Variants in ILDR1 observed in about 807,000 individuals in gnomAD.
ILDR1 encodes immunoglobulin like domain containing receptor 1.
In ILDR1, 56 loss-of-function variants were observed where a neutral mutation model predicts 62.4. The observed-to-expected ratio is 0.90, with a 90% CI of 0.72 to 1.12. The LOEUF (loss-of-function observed/expected upper bound fraction) is 1.12, where lower values mean the gene tolerates loss of function less well. ILDR1 is among the 50% of genes most tolerant of loss of function. The pLI, the probability that ILDR1 is intolerant of heterozygous loss-of-function variation, is 0.00. For synonymous variants in ILDR1, 284 were observed against 277.8 expected (o/e 1.02, Z -0.22); for missense variants, 736 against 710.6 (o/e 1.04, Z -0.41).
intron 2 of ILDR1, among the ~76,000 whole-genome samples, chr3:122,005,739 T>G (rs1479745800): frequency 1.3e-5 from 2 of 151,880 alleles, no homozygotes; most frequent in African/African-American, 4.8e-5. Flanking sequence ...CCCATGGAAT[T>G]CATCCACCTG....
At chr3:122,036,918 T>C in the ILDR1 span, among the ~76,000 whole-genome samples, 1 of 152,184 alleles carries the variant, frequency 6.6e-6, no homozygotes, top group African/African-American at 2.4e-5. Flanking sequence ...GCTCCAGCCA[T>C]GGCTAAAAGG....
At chr3:122,003,979 G>A (rs1210153480) in intron 3 of ILDR1, among the ~76,000 whole-genome samples, 1 of 151,656 alleles carries the variant, frequency 6.6e-6, no homozygotes. Flanking sequence ...AAGGACAGAT[G>A]TACCCTAAAA....
At chr3:122,050,545 T>TCC in the ILDR1 span, among the ~76,000 whole-genome samples, 2,843 of 142,578 alleles carry the variant, frequency 0.02, 56 homozygotes, top group South Asian at 0.04. Flanking sequence ...TGCTTTTACT[T>TCC]CCCCCCCCCC....
chr3:122,039,844 A>C, the ILDR1 span, among the ~76,000 whole-genome samples: 1 of 152,054 alleles, frequency 6.6e-6, no homozygotes, highest in East Asian at 1.9e-4. Flanking sequence ...GGTAAAAATA[A>C]AATAAATGAT....
At chr3:122,012,315 T>G (rs184944423) in intron 1 of ILDR1, among the ~76,000 whole-genome samples, 1 of 152,352 alleles carries the variant, frequency 6.6e-6, no homozygotes, top group Non-Finnish European at 1.5e-5. Context: ...AGTTTTCAAA[T>G]TCTTAATTTT....
chr3:122,040,743 A>C, the ILDR1 span, among the ~76,000 whole-genome samples: 1 of 151,404 alleles, frequency 6.6e-6, no homozygotes, highest in African/African-American at 2.4e-5. Context: ...AAAAGAAAAA[A>C]AAAAAACAAG....
chr3:122,037,204 T>A, the ILDR1 span, among the ~76,000 whole-genome samples: 1 of 152,298 alleles, frequency 6.6e-6, no homozygotes, highest in East Asian at 1.9e-4. Context: ...CACTGCCTCA[T>A]GGAACTGTGA....
chr3:122,001,722 T>C (rs760736242), intron 4 of ILDR1, 23 bp downstream of exon 4: 2 of 1,611,970 alleles, frequency 1.2e-6, no homozygotes, highest in South Asian at 1.1e-5. Flanking sequence ...GGTGACTGAA[T>C]AGAAAGCTCC....
the ILDR1 span, among the ~76,000 whole-genome samples, chr3:122,034,543 A>G: frequency 6.6e-5 from 10 of 152,376 alleles, no homozygotes; most frequent in Middle Eastern, 6.8e-3. Flanking sequence ...AGTAACAAGA[A>G]TCAAGCTAGA....
At chr3:122,019,961 C>T (rs1430415918) in intron 1 of ILDR1, among the ~76,000 whole-genome samples, 2 of 152,192 alleles carry the variant, frequency 1.3e-5, no homozygotes, top group African/African-American at 4.8e-5. Context: ...TGAGAGGGCA[C>T]AGGGAGTTGG....
At chr3:121,998,709 T>A (rs1187824967) in intron 5 of ILDR1, among the ~76,000 whole-genome samples, 1 of 152,096 alleles carries the variant, frequency 6.6e-6, no homozygotes, top group Non-Finnish European at 1.5e-5. Flanking sequence ...ATCCTGCATA[T>A]TATTACTCCA....
Position 122,001,751 on chromosome 3 carries a change from C to A in ILDR1, c.493G>T (p.Val165Phe), listed in dbSNP as rs753781368. ...AAGCTCCAGTAGCACTTACGTAGGA[C>A]GATGAGCTTTACTTCCTTATCGGGG... is the stretch of plus-strand genomic sequence containing the variant. ...GDPDKEVKLI[V>F]LHWLTVIFII... Residue 165 changes from valine (V) to phenylalanine (F), a missense_variant, in exon 4 of 8, where the codon GTC becomes TTC. Physicochemically the swap from Val to Phe is conservative, Grantham distance 50. Coordinates refer to ENST00000344209, the MANE Select transcript of ILDR1 (RefSeq NM_001199799.2). The A allele has an allele frequency of 6.2e-7, 1 of 1,612,552 alleles. No individual in the cohort carries two copies. Among genetic ancestry groups the A allele is most frequent in the South Asian group, 1.1e-5 (1 of 91,002 alleles).
chr3:122,009,321 T>TAA (rs771998878), intron 1 of ILDR1, among the ~76,000 whole-genome samples: 19 of 58,584 alleles, frequency 3.2e-4, no homozygotes, highest in Non-Finnish European at 6.4e-4. Flanking sequence ...AGACTCAATT[T>TAA]AAAACACACA....
chr3:122,057,582 T>C, the ILDR1 span, among the ~76,000 whole-genome samples: 1 of 152,212 alleles, frequency 6.6e-6, no homozygotes, highest in Admixed American at 6.5e-5. Context: ...ATCCCATCTG[T>C]AGGCAGAAAA....
intron 5 of ILDR1, among the ~76,000 whole-genome samples, chr3:121,994,846 T>A (rs1362197857): frequency 6.6e-6 from 1 of 152,154 alleles, no homozygotes; most frequent in Non-Finnish European, 1.5e-5. Flanking sequence ...CTAGCTGGCA[T>A]GCCAACCCTG....
intron 2 of ILDR1, among the ~76,000 whole-genome samples, chr3:122,006,168 A>G (rs536026628): frequency 5.6e-4 from 85 of 152,326 alleles, no homozygotes; most frequent in African/African-American, 1.7e-3. Flanking sequence ...GTGAGACATT[A>G]GCTCAAGGGC....
At chr3:122,005,840 G>A (rs555842493) in intron 2 of ILDR1, among the ~76,000 whole-genome samples, 7 of 152,000 alleles carry the variant, frequency 4.6e-5, no homozygotes, top group African/African-American at 1.4e-4. Context: ...CAGAGGTTGC[G>A]ATGAGTTGAG....
chr3:122,008,739 G>A (rs1283594471), intron 1 of ILDR1, among the ~76,000 whole-genome samples: 14 of 150,634 alleles, frequency 9.3e-5, no homozygotes, highest in Admixed American at 6.6e-4. Flanking sequence ...GATCACAGGC[G>A]CCTACCATCA....
the ILDR1 span, among the ~76,000 whole-genome samples, chr3:122,030,648 T>C: frequency 3.3e-5 from 5 of 151,734 alleles, no homozygotes; most frequent in Admixed American, 3.3e-4. Flanking sequence ...TCTCTCTCTC[T>C]CTCTAAGTGT....
Sources: allele counts gnomAD v4.1 joint callset (sites outside exome capture counted in the v4.1 genomes callset), GRCh38; gene constraint gnomAD v4.1.1; transcripts MANE v1.5; gene names NCBI Gene and HGNC (gene_info 2026-07-23, HGNC 2026-07-21).